Variants in AFAP1L2 observed in about 807,000 individuals in gnomAD.
The protein encoded by AFAP1L2 is actin filament-associated protein 1-like 2.
AFAP1L2 carries 46 observed loss-of-function variants against 99.3 expected under a neutral mutation model. The observed-to-expected ratio is 0.46, with a 90% confidence interval of 0.37 to 0.59. The LOEUF is 0.59. Among genes scored for constraint, AFAP1L2 ranks in the 20% least tolerant of loss-of-function variants. AFAP1L2 has a pLI of 0.00. For synonymous variants in AFAP1L2, 397 were observed against 419.1 expected (o/e 0.95, Z 0.64); for missense variants, 959 against 1,034.9 (o/e 0.93, Z 1.01).
chr10:114,304,095 T>A (rs1432331288), intron 11 of AFAP1L2, among the ~76,000 whole-genome samples: 1 of 152,138 alleles, frequency 6.6e-6, no homozygotes, highest in Non-Finnish European at 1.5e-5. Flanking sequence ...GGGAAGCAAT[T>A]GCGATGTGGG....
chr10:114,293,626 ATTAC>A (rs1275353357), downstream of AFAP1L2, among the ~76,000 whole-genome samples: 1 of 152,204 alleles, frequency 6.6e-6, no homozygotes, highest in Non-Finnish European at 1.5e-5. Flanking sequence ...TTTACCTTTA[ATTAC>A]TTATTCAAAT....
At chr10:114,348,529 G>A (rs1239274086) in intron 1 of AFAP1L2, among the ~76,000 whole-genome samples, 1 of 152,136 alleles carries the variant, frequency 6.6e-6, no homozygotes, top group Non-Finnish European at 1.5e-5. Context: ...GTAGATGTAG[G>A]AAGAATCTTT....
chr10:114,389,490 G>C lies in AFAP1L2; in HGVS notation c.16+14950C>G, dbSNP rs377301326. On this transcript the variant is annotated intron_variant, in intron 1 of 18. Coordinates refer to ENST00000304129, the MANE Select transcript of AFAP1L2 (RefSeq NM_001001936.3). ...CTTGTGTCCAATCCATCAGGTACTA[G>C]AAAAATCTAATTCCACTGCATTTTA... 6.6e-5 allele frequency among the ~76,000 whole-genome samples: 10 copies of C among 152,260 alleles called. No individual in the cohort carries two copies. In the East Asian group the frequency reaches 1.2e-3, roughly 18 times the overall value.
chr10:114,315,647 G>A lies in AFAP1L2; in HGVS notation c.525C>T (p.Asp175=), dbSNP rs373379522. 1.7e-5 allele frequency: 27 copies of A among 1,613,878 alleles called. No individual in the cohort carries two copies. Among genetic ancestry groups the A allele is most frequent in the South Asian group, 4.4e-5 (4 of 91,060 alleles). ...SPEAGIELMR[D]ARICAFLWRK... ...GCCACAGGAAGGCGCAGATGCGGGC[G>A]TCACGCATCAGCTCGATGCCGGCCT... Residue 175 remains aspartate, a synonymous_variant, in exon 6 of 19, where the codon GAC becomes GAT. Transcript: ENST00000304129.
At chr10:114,401,235 C>T (rs1158788793) in intron 1 of AFAP1L2, among the ~76,000 whole-genome samples, 6 of 152,130 alleles carry the variant, frequency 3.9e-5, no homozygotes, top group African/African-American at 1.4e-4. Flanking sequence ...CATCTGTATC[C>T]AAGTATGATG....
intron 7 of AFAP1L2, among the ~76,000 whole-genome samples, chr10:114,311,581 C>T (rs918036566): frequency 9.9e-5 from 15 of 152,218 alleles, no homozygotes; most frequent in Non-Finnish European, 1.6e-4. Context: ...ACCTTTGCCA[C>T]GAGCCAGCTG....
intron 7 of AFAP1L2, among the ~76,000 whole-genome samples, chr10:114,311,904 T>C (rs948148459): frequency 6.6e-6 from 1 of 152,216 alleles, no homozygotes; most frequent in Admixed American, 6.5e-5. Flanking sequence ...ACAAAGCCAA[T>C]GCAGGTAGGT....
At chr10:114,344,304 GACA>G (rs61429634) in intron 1 of AFAP1L2, among the ~76,000 whole-genome samples, 2,252 of 152,262 alleles carry the variant, frequency 0.015, 57 homozygotes, top group African/African-American at 0.052. Flanking sequence ...ATAAATGGAG[GACA>G]ACGACAGTGA....
Position 114,310,348 on chromosome 10 carries a change from G to A in AFAP1L2, c.882+6C>T. 1 of 1,612,470 alleles carries A rather than the reference G, an allele frequency of 6.2e-7. No homozygotes were observed. The highest frequency in any genetic ancestry group is 8.5e-7 in the Non-Finnish European group (1 of 1,179,364). On this transcript the variant is annotated splice_donor_region_variant and intron_variant, in intron 8 of 18. Coordinates refer to ENST00000304129, the MANE Select transcript of AFAP1L2 (RefSeq NM_001001936.3). ...GACTCTCCCTCCAGGCAGGGCAGAGGCTTACTTTCTGGCAGTTAAAGCGCT... is the reference window on the plus strand; with the variant it reads ...GACTCTCCCTCCAGGCAGGGCAGAGACTTACTTTCTGGCAGTTAAAGCGCT...
the AFAP1L2 span, chr10:114,288,881 G>A: frequency 1.9e-5 from 29 of 1,548,092 alleles, no homozygotes; most frequent in Middle Eastern, 2.1e-4. Context: ...CCTGGGTCCC[G>A]TCGAGGGGCT....
intron 1 of AFAP1L2, among the ~76,000 whole-genome samples, chr10:114,355,922 G>C (rs759472855): frequency 2.0e-5 from 3 of 152,196 alleles, no homozygotes; most frequent in Non-Finnish European, 4.4e-5. Context: ...GCAGTGAGCA[G>C]TAATTGCGCC....
At chr10:114,289,206 C>T in the AFAP1L2 span, 2 of 1,613,544 alleles carry the variant, frequency 1.2e-6, no homozygotes, top group Non-Finnish European at 8.5e-7. Flanking sequence ...CCGGCACCGC[C>T]CTGCTGCACA....
intron 10 of AFAP1L2, among the ~76,000 whole-genome samples, chr10:114,306,360 G>GACGCGGGGGCAGGAGGGC: frequency 6.7e-6 from 1 of 148,814 alleles, no homozygotes; most frequent in African/African-American, 2.5e-5. Context: ...GGCAGGAGGG[G>GACGCGGGGGCAGGAGGGC]ATGCGGGGGC....
At chr10:114,302,289 G>A in intron 12 of AFAP1L2, 50 bp downstream of exon 12, 1 of 1,612,166 alleles carries the variant, frequency 6.2e-7, no homozygotes, top group East Asian at 2.2e-5. Flanking sequence ...AGGGCCTACA[G>A]CATGGCCAGG....
intron 1 of AFAP1L2, among the ~76,000 whole-genome samples, chr10:114,360,137 T>C (rs1284108839): frequency 2.6e-5 from 4 of 151,330 alleles, no homozygotes; most frequent in Non-Finnish European, 5.9e-5. Flanking sequence ...GGCCCCTCTA[T>C]GTGACTGGCC....
intron 2 of AFAP1L2, among the ~76,000 whole-genome samples, chr10:114,335,044 A>G (rs2047729471): frequency 6.6e-6 from 1 of 152,228 alleles, no homozygotes; most frequent in South Asian, 2.1e-4. Flanking sequence ...GACATGACTC[A>G]AAGGCTCAAC....
At chr10:114,339,229 C>T (rs977380913) in intron 2 of AFAP1L2, among the ~76,000 whole-genome samples, 1 of 151,892 alleles carries the variant, frequency 6.6e-6, no homozygotes, top group Non-Finnish European at 1.5e-5. Flanking sequence ...GAGGCCGAGG[C>T]GGGCGGATCA....
At position 114,299,277 on chromosome 10, in the gene AFAP1L2, G is replaced by A. The variant is rs775266243; in HGVS notation, c.2096C>T (p.Thr699Ile). Residue 699 changes from threonine (T) to isoleucine (I), a missense_variant, in exon 16 of 19, where the codon ACC becomes ATC. Around this residue, in one of 2 missense-constraint regions of AFAP1L2, gnomAD observed 576 missense variants for 562.1 expected, o/e 1.02. Transcript: ENST00000304129. Reference protein sequence around the residue: ...LRKEKRELKETLLKCTDKEVL... With the variant: ...LRKEKRELKEILLKCTDKEVL... The stretch of plus-strand genomic sequence containing the variant: ...CCCCTTACCTGTGCATTTCAGTAGG[G>A]TTTCCTTTAGCTCCCGTTTCTCTTT... 1 of 1,614,252 alleles carries A rather than the reference G, an allele frequency of 6.2e-7. No homozygotes were observed. The highest frequency in any genetic ancestry group is 1.1e-5 in the South Asian group (1 of 91,086).
intron 1 of AFAP1L2, among the ~76,000 whole-genome samples, chr10:114,353,469 A>C (rs1249246181): frequency 1.3e-5 from 2 of 152,232 alleles, no homozygotes; most frequent in African/African-American, 2.4e-5. Flanking sequence ...TGGACCAGGC[A>C]GTCTGCAGAT....
Sources: gnomAD v4.1 joint callset for allele counts (sites outside exome capture counted in the v4.1 genomes callset) on GRCh38, gnomAD v4.1.1 for gene constraint, gnomAD v4.1.1 regional missense constraint, MANE v1.5 for transcripts, NCBI Gene and HGNC (gene_info 2026-07-23, HGNC 2026-07-21) for gene names.